The following NDUFAF6 variants were observed in gnomAD, a reference collection of about 807,000 sequenced individuals.
The protein encoded by NDUFAF6 is NADH:ubiquinone oxidoreductase complex assembly factor 6, also known as NADH dehydrogenase (ubiquinone) complex I, assembly factor 6.
A neutral mutation model predicts 40.8 loss-of-function variants in NDUFAF6; 45 were observed. The ratio of observed to expected loss-of-function variants is 1.10; its 90% CI spans 0.87 to 1.42. NDUFAF6 has a LOEUF of 1.42. Among genes scored for constraint, NDUFAF6 ranks in the 40% most tolerant of loss-of-function variants. The pLI, the probability that NDUFAF6 is intolerant of heterozygous loss-of-function variation, is 0.00. For synonymous variants in NDUFAF6, 185 were observed against 155.9 expected, an observed-to-expected ratio of 1.19 and a Z score of -1.39; for missense variants, 435 against 418.5, an observed-to-expected ratio of 1.04 and a Z score of -0.34.
chr8:95,077,914 G>A (rs1048846368), downstream of NDUFAF6, among the ~76,000 whole-genome samples: 1 of 152,030 alleles, frequency 6.6e-6, no homozygotes, highest in African/African-American at 2.4e-5. Context: ...CCAGCCCCCC[G>A]AGATGGAGCT....
upstream of NDUFAF6, among the ~76,000 whole-genome samples, chr8:94,957,777 G>A (rs943612040): frequency 2.0e-5 from 3 of 152,182 alleles, no homozygotes; most frequent in East Asian, 1.9e-4. Flanking sequence ...CTGAACCCCC[G>A]GGCCACCTCT....
At chr8:94,954,148 C>T (rs548933699), upstream of NDUFAF6, among the ~76,000 whole-genome samples, 110 of 115,128 alleles carry the variant, frequency 9.6e-4, no homozygotes, top group East Asian at 6.2e-3. Context: ...TTACAACCTC[C>T]GCCCCCCGGG....
At chr8:94,974,859 G>T (rs1407984300) in intron 1 of NDUFAF6, 2 of 153,088 alleles carry the variant, frequency 1.3e-5, no homozygotes, top group Non-Finnish European at 1.5e-5. Flanking sequence ...GCCAGCTTCA[G>T]AAGCCTGTCC....
In NDUFAF6 at chr8:95,070,288, A is replaced by C. The variant is rs149552049; in HGVS notation, c.*512-5345A>C. Among the ~76,000 whole-genome samples the C allele has an allele frequency of 2.0e-3, 304 of 152,306 alleles. 1 individual carries two copies. The highest frequency in any genetic ancestry group is 6.4e-3 in the African/African-American group (264 of 41,564). ...ATAGTGCCTACTTCCTAGAATTATC[A>C]TGAAGGTTAAGTTAGTTAATAATTG... is the stretch of plus-strand genomic sequence containing the variant. On this transcript the variant is annotated intron_variant and NMD_transcript_variant, in intron 9 of 9. Coordinates refer to the NDUFAF6 transcript ENST00000520757.
chr8:95,017,714 C>T (rs1007952456), intron 2 of NDUFAF6, among the ~76,000 whole-genome samples: 21 of 152,160 alleles, frequency 1.4e-4, no homozygotes, highest in South Asian at 4.1e-4. Context: ...GGATACCCTA[C>T]AAATTGGATA....
intron 2 of NDUFAF6, among the ~76,000 whole-genome samples, chr8:94,991,768 C>A (rs1826201582): frequency 6.7e-6 from 1 of 148,824 alleles, no homozygotes. Context: ...CTTTCCATAT[C>A]AGTACAAGGA....
At chr8:95,008,616 T>G (rs1248222410) in intron 2 of NDUFAF6, among the ~76,000 whole-genome samples, 4 of 152,250 alleles carry the variant, frequency 2.6e-5, no homozygotes, top group Admixed American at 2.6e-4. Flanking sequence ...AAACGATTCT[T>G]CTGACTCAGC....
At chr8:94,996,318 C>T (rs894720911) in intron 2 of NDUFAF6, among the ~76,000 whole-genome samples, 4 of 152,194 alleles carry the variant, frequency 2.6e-5, no homozygotes, top group African/African-American at 9.7e-5. Flanking sequence ...TCAAGAATCA[C>T]ACATCTTCTC....
intron 8 of NDUFAF6, chr8:95,055,331 C>T (rs1243278467): frequency 3.9e-5 from 6 of 152,024 alleles, no homozygotes. Context: ...AACAAAATCA[C>T]CTATAATTCT....
chr8:95,005,986 C>G (rs1415019919), intron 2 of NDUFAF6, among the ~76,000 whole-genome samples: 1 of 152,102 alleles, frequency 6.6e-6, no homozygotes, highest in African/African-American at 2.4e-5. Flanking sequence ...TTGACCTACA[C>G]CCAGAATTAA....
intron 2 of NDUFAF6, among the ~76,000 whole-genome samples, chr8:95,008,570 A>G (rs1164531727): frequency 6.6e-6 from 1 of 152,134 alleles, no homozygotes; most frequent in Non-Finnish European, 1.5e-5. Context: ...GCAGTGGCAC[A>G]ATCTTGGCTC....
chr8:94,897,100 G>C (rs1002223994), intron 1 of NDUFAF6, among the ~76,000 whole-genome samples: 3 of 152,172 alleles, frequency 2.0e-5, no homozygotes, highest in Admixed American at 6.5e-5. Flanking sequence ...CTCCCAACAA[G>C]GGTCACCTGA....
At chr8:95,027,965 T>C (rs1828377715) in intron 1 of NDUFAF6, among the ~76,000 whole-genome samples, 1 of 152,196 alleles carries the variant, frequency 6.6e-6, no homozygotes, top group South Asian at 2.1e-4. Context: ...CGACTTTGGC[T>C]TTGAGGAGGA....
chr8:95,093,504 A>G (rs1809337363), intron 2 of NDUFAF6, among the ~76,000 whole-genome samples: 1 of 152,212 alleles, frequency 6.6e-6, no homozygotes, highest in Admixed American at 6.5e-5. Flanking sequence ...CTCATACCCT[A>G]TAGTTCAACA....
At chr8:94,922,329 C>A (rs540224107) in intron 1 of NDUFAF6, among the ~76,000 whole-genome samples, 1 of 151,538 alleles carries the variant, frequency 6.6e-6, no homozygotes, top group Non-Finnish European at 1.5e-5. Context: ...TTTCAATAAG[C>A]GCTGCAGGAA....
chr8:95,084,453 CTTTG>C (rs1808974318), intron 2 of NDUFAF6, among the ~76,000 whole-genome samples: 1 of 152,076 alleles, frequency 6.6e-6, no homozygotes, highest in African/African-American at 2.4e-5. Context: ...AAACTTAGTG[CTTTG>C]TTTAAGTTAG....
At chr8:94,983,940 C>T (rs902172862) in intron 2 of NDUFAF6, 1 of 152,198 alleles carries the variant, frequency 6.6e-6, no homozygotes, top group African/African-American at 2.4e-5. Context: ...GTGGTGGTTT[C>T]CACTCATGAG....
chr8:95,112,497 C>T (rs1231833163), intron 4 of NDUFAF6, among the ~76,000 whole-genome samples: 1 of 152,178 alleles, frequency 6.6e-6, no homozygotes, highest in Non-Finnish European at 1.5e-5. Context: ...CTCCTGGAGA[C>T]TTCAGAGAGA....
At chr8:95,106,209 A>T (rs913284529), downstream of NDUFAF6, among the ~76,000 whole-genome samples, 4 of 151,434 alleles carry the variant, frequency 2.6e-5, no homozygotes, top group African/African-American at 9.7e-5. Flanking sequence ...TGGGAGGCGG[A>T]GCTTGCAGTC....
Sources: allele counts gnomAD v4.1 joint callset (sites outside exome capture counted in the v4.1 genomes callset), GRCh38; gene constraint gnomAD v4.1.1; transcripts MANE v1.5; gene names NCBI Gene and HGNC (gene_info 2026-07-23, HGNC 2026-07-21).